The following QKI variants were observed in gnomAD, a reference collection of about 807,000 sequenced individuals.
QKI encodes the protein KH domain-containing RNA-binding protein QKI.
Under a neutral mutation model 39.0 loss-of-function variants are expected in QKI, and 10 were observed. The ratio of observed to expected loss-of-function variants is 0.26; its 90% CI spans 0.16 to 0.43. QKI has a LOEUF of 0.43. Among genes scored for constraint, QKI ranks in the 20% least tolerant of loss-of-function variants. QKI has a pLI of 1.00. For synonymous variants in QKI, 204 were observed against 155.4 expected, an observed-to-expected ratio of 1.31 and a Z score of -2.33; for missense variants, 218 against 428.0, an observed-to-expected ratio of 0.51 and a Z score of 4.33.
intron 3 of QKI, among the ~76,000 whole-genome samples, chr6:163,498,996 T>C (rs551299185): frequency 1.3e-5 from 2 of 152,282 alleles, no homozygotes; most frequent in African/African-American, 2.4e-5. Flanking sequence ...GAAGGTAGTT[T>C]CATACAGTAT....
At chr6:163,564,376 A>G in intron 6 of QKI, 9 of 1,223,870 alleles carry the variant, frequency 7.4e-6, no homozygotes, top group Non-Finnish European at 9.4e-6. Flanking sequence ...ATCTTATGGG[A>G]CCACATAGTA....
At chr6:163,463,832 A>C (rs904273939) in intron 2 of QKI, among the ~76,000 whole-genome samples, 1 of 152,162 alleles carries the variant, frequency 6.6e-6, no homozygotes, top group African/African-American at 2.4e-5. Flanking sequence ...AAGATCCCAA[A>C]CTACTTTCCA....
At chr6:163,439,822 G>A (rs1789627080) in intron 1 of QKI, among the ~76,000 whole-genome samples, 1 of 151,810 alleles carries the variant, frequency 6.6e-6, no homozygotes, top group Admixed American at 6.6e-5. Flanking sequence ...GCTAATTTGT[G>A]TATTTTTAGT....
At position 163,577,961 on chromosome 6, in the gene QKI, CT is replaced by C. The variant is rs1473161751; in HGVS notation, c.*7252del. 6.6e-6 allele frequency: 1 copy of C among 152,138 alleles called. No individual in the cohort carries two copies. Among genetic ancestry groups the C allele is most frequent in the Non-Finnish European group, 1.5e-5 (1 of 68,030 alleles). 9.4% of individuals were successfully genotyped at this position (152,138 alleles called of 1,614,324 possible). A position where few individuals can be genotyped will look rare whatever the true frequency, so the allele number is the denominator to read the frequency against. ...GAAAGCAGTTAAACTAATTGACCAT[CT>C]AATAGTTGTACTATACATATGTCTA... On this transcript the variant is annotated 3_prime_UTR_variant, in exon 8 of 8. Transcript: ENST00000361752.
intron 3 of QKI, among the ~76,000 whole-genome samples, chr6:163,528,893 A>T (rs1186488713): frequency 1.3e-5 from 2 of 152,160 alleles, no homozygotes; most frequent in African/African-American, 4.8e-5. Context: ...GAACATATTT[A>T]TACATATAGT....
intron 3 of QKI, among the ~76,000 whole-genome samples, chr6:163,521,593 G>A (rs978871213): frequency 6.6e-6 from 1 of 152,084 alleles, no homozygotes; most frequent in Non-Finnish European, 1.5e-5. Flanking sequence ...CATGATCTCG[G>A]CTCACTGCAA....
intron 3 of QKI, among the ~76,000 whole-genome samples, chr6:163,489,866 T>C (rs1310319312): frequency 6.6e-6 from 1 of 152,188 alleles, no homozygotes; most frequent in Non-Finnish European, 1.5e-5. Context: ...TTGATTCTCA[T>C]GTGGAATTCT....
chr6:163,490,993 T>G (rs897012269), intron 3 of QKI, among the ~76,000 whole-genome samples: 1 of 152,204 alleles, frequency 6.6e-6, no homozygotes, highest in African/African-American at 2.4e-5. Context: ...AAAGGTGTTC[T>G]GCCCTAGCTA....
chr6:163,430,235 T>C (rs953406502), intron 1 of QKI, among the ~76,000 whole-genome samples: 2 of 152,164 alleles, frequency 1.3e-5, no homozygotes, highest in African/African-American at 4.8e-5. Context: ...GATTTTCTTA[T>C]CTCTATCCTG....
chr6:163,564,340 C>A, intron 6 of QKI: 1 of 1,086,454 alleles, frequency 9.2e-7, no homozygotes. Flanking sequence ...TACTACACAC[C>A]TAGGCTGTGT....
At chr6:163,483,171 A>G (rs886310727) in intron 3 of QKI, among the ~76,000 whole-genome samples, 3 of 152,234 alleles carry the variant, frequency 2.0e-5, no homozygotes, top group South Asian at 2.1e-4. Flanking sequence ...TCTAAAAAAT[A>G]TACATACCTT....
At chr6:163,507,052 A>G (rs1046289238) in intron 3 of QKI, among the ~76,000 whole-genome samples, 1 of 152,178 alleles carries the variant, frequency 6.6e-6, no homozygotes, top group African/African-American at 2.4e-5. Context: ...GACTTTGAAC[A>G]TGAGTAATGG....
intron 7 of QKI, chr6:163,568,265 C>G (rs1299833971): frequency 3.0e-6 from 3 of 985,224 alleles, no homozygotes; most frequent in Middle Eastern, 5.2e-4. Flanking sequence ...CCCAGCTAAT[C>G]TTTCCCTATG....
At chr6:163,513,190 A>C (rs1278415743) in intron 3 of QKI, among the ~76,000 whole-genome samples, 1 of 152,192 alleles carries the variant, frequency 6.6e-6, no homozygotes, top group Non-Finnish European at 1.5e-5. Context: ...TCAAGCATCC[A>C]CTGCAGGTCT....
Position 163,462,914 on chromosome 6 carries a change from G to A in QKI, c.285+7493G>A, listed in dbSNP as rs533265350. The stretch of plus-strand genomic sequence containing the variant: ...ATGTGAAGGCTAAGAATGAGGGAAG[G>A]GCCTTGCTGGTATTGCCATTCGTTG... On this transcript the variant is annotated intron_variant, in intron 2 of 7. Transcript: ENST00000361752. Among the ~76,000 whole-genome samples, 6 of 152,236 alleles carry A rather than the reference G, an allele frequency of 3.9e-5. No homozygotes were observed. In the South Asian group the frequency reaches 1.0e-3, roughly 26 times the overall value.
chr6:163,510,683 A>G (rs550377309), intron 3 of QKI, among the ~76,000 whole-genome samples: 2 of 152,342 alleles, frequency 1.3e-5, no homozygotes, highest in African/African-American at 4.8e-5. Flanking sequence ...TATCAGGTAA[A>G]ATAGATTGCA....
chr6:163,481,389 A>G (rs1583065610), intron 3 of QKI, among the ~76,000 whole-genome samples: 1 of 152,222 alleles, frequency 6.6e-6, no homozygotes, highest in South Asian at 2.1e-4. Context: ...AAACTCAGTG[A>G]GAGCCTACCA....
chr6:163,547,655 T>TA lies in QKI; in HGVS notation c.546+12531dup, dbSNP rs371301723. On this transcript the variant is annotated intron_variant, in intron 4 of 7. Coordinates refer to ENST00000361752, the MANE Select transcript of QKI (RefSeq NM_006775.3). ...TTCCCTTGTTTTCTCTGTAGAATGATACTTGTTGCCTAGGACTCATCCACC... is the reference window on the plus strand; with the variant it reads ...TTCCCTTGTTTTCTCTGTAGAATGATAACTTGTTGCCTAGGACTCATCCACC... Among the ~76,000 whole-genome samples, 716 of 152,286 alleles carry TA rather than the reference T, an allele frequency of 4.7e-3. 8 individuals are homozygous for TA. Among genetic ancestry groups the TA allele is most frequent in the African/African-American group, 0.016 (669 of 41,574 alleles).
In QKI at chr6:163,465,032, T is replaced by C. The variant is rs536537580; in HGVS notation, c.285+9611T>C. 5.6e-4 allele frequency among the ~76,000 whole-genome samples: 85 copies of C among 152,250 alleles called. No individual in the cohort carries two copies. In the South Asian group the frequency reaches 0.017, roughly 30 times the overall value. ...CTGAATGTAAAAATGGTTCAACATATGCAAATCATTAACTGAGCTACACCA... is the reference window on the plus strand; with the variant it reads ...CTGAATGTAAAAATGGTTCAACATACGCAAATCATTAACTGAGCTACACCA... On this transcript the variant is annotated intron_variant, in intron 2 of 7. Transcript: ENST00000361752.
Sources: gnomAD v4.1 joint callset for allele counts (sites outside exome capture counted in the v4.1 genomes callset) on GRCh38, gnomAD v4.1.1 for gene constraint, MANE v1.5 for transcripts, NCBI Gene and HGNC (gene_info 2026-07-23, HGNC 2026-07-21) for gene names.